Variants in MAN1C1 observed in about 807,000 individuals in gnomAD.
MAN1C1 encodes mannosyl-oligosaccharide 1,2-alpha-mannosidase IC.
A neutral mutation model predicts 71.5 loss-of-function variants in MAN1C1; 49 were observed. That is an observed-to-expected ratio of 0.69 (90% CI 0.54 to 0.87). MAN1C1 has a LOEUF of 0.87. Among genes scored for constraint, MAN1C1 ranks in the 40% least tolerant of loss-of-function variants. The pLI, the probability that MAN1C1 is intolerant of heterozygous loss-of-function variation, is 0.00. For synonymous variants in MAN1C1, 352 were observed against 343.7 expected, an observed-to-expected ratio of 1.02 and a Z score of -0.27; for missense variants, 743 against 835.0, an observed-to-expected ratio of 0.89 and a Z score of 1.36.
chr1:25,782,482 T>C lies in MAN1C1; in HGVS notation c.1651-103T>C. The C allele has an allele frequency of 1.4e-6, 1 of 712,522 alleles. No homozygotes were observed. The allele number at this position is 712,522 out of a possible 1,614,324, so 44.1% of individuals were successfully genotyped here. ...CCCCAGCCAAGGGGTGGGGGTGCTG[T>C]CTGCTTTCTTCTAGCTCCAGCCTGC... On this transcript the variant is annotated intron_variant, in intron 10 of 11. Transcript: ENST00000374332. The surrounding 1 kb of genome is among the most constrained non-coding windows in gnomAD (Gnocchi z 4.4).
At chr1:25,761,452 C>G (rs753273033) in intron 6 of MAN1C1, 1 of 152,052 alleles carries the variant, frequency 6.6e-6, no homozygotes, top group Non-Finnish European at 1.5e-5. Flanking sequence ...GTTAGCAACA[C>G]TTAGCACTAA....
intron 2 of MAN1C1, among the ~76,000 whole-genome samples, chr1:25,722,677 C>G (rs76204000): frequency 0.033 from 5,038 of 152,294 alleles, 115 homozygotes; most frequent in Non-Finnish European, 0.047. Flanking sequence ...CCTGCAGAGT[C>G]TCTGTGTCCT....
intron 1 of MAN1C1, chr1:25,659,018 G>A (rs2045809266): frequency 6.6e-6 from 1 of 152,390 alleles, no homozygotes; most frequent in Admixed American, 6.5e-5. Flanking sequence ...GCCCAGAGGG[G>A]ATGCACTGGG....
At chr1:25,748,161 G>A (rs1039769366) in intron 3 of MAN1C1, among the ~76,000 whole-genome samples, 2 of 152,174 alleles carry the variant, frequency 1.3e-5, no homozygotes, top group African/African-American at 4.8e-5. Flanking sequence ...GGAGCTGGGG[G>A]ACACTCAGGC....
chr1:25,778,943 T>A lies in MAN1C1; in HGVS notation c.1477+619T>A, dbSNP rs1372985302. 6.6e-6 allele frequency among the ~76,000 whole-genome samples: 1 copy of A among 151,902 alleles called. No homozygotes were observed. Among genetic ancestry groups the A allele is most frequent in the African/African-American group, 2.4e-5 (1 of 41,320 alleles). On this transcript the variant is annotated intron_variant, in intron 9 of 11. Coordinates refer to ENST00000374332, the MANE Select transcript of MAN1C1 (RefSeq NM_020379.4). This position sits in a 1 kb window ranked among gnomAD's most constrained non-coding sequence, Gnocchi z 5.5. ...TGGCTCCTCATTCTACACAGAGAAG[T>A]GGAGTCAGCCCAGAGAGGGGAAGTG...
At position 25,746,637 on chromosome 1, in the gene MAN1C1, G is replaced by A; in HGVS notation, c.638-31G>A. 6.5e-7 allele frequency: 1 copy of A among 1,526,800 alleles called. No individual in the cohort carries two copies. Among genetic ancestry groups the A allele is most frequent in the Non-Finnish European group, 9.1e-7 (1 of 1,102,820 alleles). The allele number at this position is 1,526,800 out of a possible 1,614,324, so 94.6% of individuals were successfully genotyped here. A position where few individuals can be genotyped will look rare whatever the true frequency, so the allele number is the denominator to read the frequency against. ...TTGGGGAAAAGAGAAAGATGGCCCT[G>A]GGTCACACCCTCAATGCTCTGTGCC... On this transcript the variant is annotated intron_variant, in intron 2 of 11. Coordinates refer to ENST00000374332, the MANE Select transcript of MAN1C1 (RefSeq NM_020379.4). This position sits in a 1 kb window ranked among gnomAD's most constrained non-coding sequence, Gnocchi z 4.0.
At chr1:25,734,774 A>G (rs1328824241) in intron 2 of MAN1C1, among the ~76,000 whole-genome samples, 1 of 152,172 alleles carries the variant, frequency 6.6e-6, no homozygotes, top group Non-Finnish European at 1.5e-5. Flanking sequence ...GCTTAAATCA[A>G]CCAGGCTTAG....
At chr1:25,754,793 G>A (rs2047263688) in intron 5 of MAN1C1, among the ~76,000 whole-genome samples, 2 of 152,176 alleles carry the variant, frequency 1.3e-5, no homozygotes, top group African/African-American at 2.4e-5. Context: ...TCAGAGCAGG[G>A]ACCTGATCTG....
chr1:25,667,526 A>G (rs1167434989), intron 1 of MAN1C1, among the ~76,000 whole-genome samples: 2 of 151,476 alleles, frequency 1.3e-5, no homozygotes, highest in African/African-American at 4.9e-5. Flanking sequence ...AAAAAGAAAC[A>G]ATGAAACTTG....
intron 5 of MAN1C1, among the ~76,000 whole-genome samples, chr1:25,757,683 G>T (rs1400419509): frequency 6.6e-6 from 1 of 152,220 alleles, no homozygotes; most frequent in African/African-American, 2.4e-5. Flanking sequence ...GAGGGCTCCA[G>T]CTGAGCGACA....
Position 25,753,656 on chromosome 1 carries a change from G to A in MAN1C1, c.929+78G>A. On this transcript the variant is annotated intron_variant, in intron 5 of 11. Coordinates refer to ENST00000374332, the MANE Select transcript of MAN1C1 (RefSeq NM_020379.4). The surrounding 1 kb of genome is among the most constrained non-coding windows in gnomAD (Gnocchi z 4.9). ...TTTGTGTTTTGTCTGGGTGGTGCTG[G>A]TGAGGAGGCTCCAGGGGCAGTAGGC... The A allele has an allele frequency of 1.5e-6, 2 of 1,352,600 alleles. No individual in the cohort carries two copies. The highest frequency in any genetic ancestry group is 1.0e-6 in the Non-Finnish European group (1 of 967,322). The allele number at this position is 1,352,600 out of a possible 1,614,324, so 83.8% of individuals were successfully genotyped here.
At chr1:25,686,666 T>A in intron 2 of MAN1C1, 130 bp downstream of exon 2, 1 of 716,240 alleles carries the variant, frequency 1.4e-6, no homozygotes, top group East Asian at 2.6e-5. Flanking sequence ...TCTGGGGCCT[T>A]CCAAGTCTGT....
At chr1:25,755,212 G>T (rs2047270543) in intron 5 of MAN1C1, among the ~76,000 whole-genome samples, 1 of 152,202 alleles carries the variant, frequency 6.6e-6, no homozygotes, top group Non-Finnish European at 1.5e-5. Context: ...CTCCTCACTG[G>T]TGTCTGCACA....
rs59710145 is a variant in MAN1C1 at position 25,656,095 on chromosome 1, CTTTT to C, written c.541-30326_541-30323del. On this transcript the variant is annotated intron_variant, in intron 1 of 11. Transcript: ENST00000374332. ...TATGTCTTAGGTTGGGATTATCAGT[CTTTT>C]TTTTTTTTTTTTTTTTTTGAGACAG... Among the ~76,000 whole-genome samples the C allele has an allele frequency of 2.5e-3, 191 of 74,972 alleles. 5 individuals are homozygous for C. The highest frequency in any genetic ancestry group is 0.014 in the African/African-American group (177 of 12,208). The allele number at this position is 74,972 out of a possible 152,430, so 49.2% of individuals were successfully genotyped here.
chr1:25,632,749 C>T, intron 1 of MAN1C1, among the ~76,000 whole-genome samples: 1 of 152,088 alleles, frequency 6.6e-6, no homozygotes, highest in East Asian at 1.9e-4. Context: ...AACCCAAAAT[C>T]ACTCAGGAGC....
Position 25,778,288 on chromosome 1 carries a change from A to T in MAN1C1, c.1441A>T (p.Ile481Phe), listed in dbSNP as rs1187251711. 1 of 1,613,760 alleles carries T rather than the reference A, an allele frequency of 6.2e-7. No homozygotes were observed. Among genetic ancestry groups the T allele is most frequent in the Admixed American group, 1.7e-5 (1 of 59,970 alleles). ...RAHYRELAAQ[I>F]TKTCHESYAR... The stretch of plus-strand genomic sequence containing the variant: ...CCACTACCGAGAGCTCGCAGCCCAG[A>T]TCACCAAGACGTGTCACGAGTCATA... The change falls in exon 9 of 12, where the codon ATC becomes TTC. Residue 481 changes from isoleucine (I) to phenylalanine (F), a missense_variant. By Grantham distance (21) the Ile-to-Phe change is conservative. Transcript: ENST00000374332. The surrounding 1 kb of genome is among the most constrained non-coding windows in gnomAD (Gnocchi z 5.5).
chr1:25,697,695 A>AGTGCATGTTTTTTG (rs1192148576), intron 2 of MAN1C1, among the ~76,000 whole-genome samples: 8 of 152,176 alleles, frequency 5.3e-5, no homozygotes, highest in Non-Finnish European at 1.2e-4. Context: ...CGAACACTTC[A>AGTGCATGTTTTTTG]GTGCATGTTT....
chr1:25,647,853 C>CT (rs1467730810), intron 1 of MAN1C1, among the ~76,000 whole-genome samples: 2 of 152,134 alleles, frequency 1.3e-5, no homozygotes, highest in Non-Finnish European at 2.9e-5. Flanking sequence ...GCTCTCTTGG[C>CT]TGCTGGCTAA....
At chr1:25,700,508 G>A (rs2046427807) in intron 2 of MAN1C1, among the ~76,000 whole-genome samples, 1 of 152,210 alleles carries the variant, frequency 6.6e-6, no homozygotes, top group South Asian at 2.1e-4. Context: ...GCAGAGTTGG[G>A]CAGAGGATGT....
Sources: allele counts gnomAD v4.1 joint callset (sites outside exome capture counted in the v4.1 genomes callset), GRCh38; gene constraint gnomAD v4.1.1; non-coding constraint Gnocchi (gnomAD v3.1); transcripts MANE v1.5; gene names NCBI Gene and HGNC (gene_info 2026-07-23, HGNC 2026-07-21).